Variants in VPS41 observed in about 807,000 individuals in gnomAD.
VPS41 encodes the protein vacuolar protein sorting-associated protein 41 homolog.
In VPS41, 85 loss-of-function variants were observed where a neutral mutation model predicts 130.9. That is an observed-to-expected ratio of 0.65 (90% confidence interval 0.55 to 0.78). The LOEUF is 0.78. VPS41 is among the 30% of genes least tolerant of loss of function. The probability of loss-of-function intolerance (pLI) is 0.00; values close to 1 mark genes in which losing one functional copy is unlikely to be tolerated. For synonymous variants in VPS41, 335 were observed against 332.9 expected (o/e 1.01, Z -0.07); for missense variants, 874 against 1,018.7 (o/e 0.86, Z 1.93).
At chr7:38,789,474 A>G (rs934468754) in intron 10 of VPS41, among the ~76,000 whole-genome samples, 1 of 152,092 alleles carries the variant, frequency 6.6e-6, no homozygotes, top group Non-Finnish European at 1.5e-5. Context: ...GTGTGGCTGC[A>G]GCACAGAGAC....
At chr7:38,832,319 CTT>C (rs543207806) in intron 4 of VPS41, among the ~76,000 whole-genome samples, 5 of 114,714 alleles carry the variant, frequency 4.4e-5, no homozygotes, top group Admixed American at 9.1e-5. Flanking sequence ...TTCTTTCTTT[CTT>C]TTTTTTTTTT....
At chr7:38,885,528 GAT>G (rs1239921217) in intron 2 of VPS41, among the ~76,000 whole-genome samples, 1 of 152,126 alleles carries the variant, frequency 6.6e-6, no homozygotes, top group Non-Finnish European at 1.5e-5. Flanking sequence ...GTTGTGTTAA[GAT>G]ACTACAATTT....
chr7:38,901,800 G>C (rs1436217335), intron 1 of VPS41, among the ~76,000 whole-genome samples: 2 of 152,188 alleles, frequency 1.3e-5, no homozygotes, highest in African/African-American at 4.8e-5. Context: ...GGGAGGCTAA[G>C]GCAAGAGGAT....
intron 5 of VPS41, among the ~76,000 whole-genome samples, chr7:38,824,898 T>C (rs1785241173): frequency 6.6e-6 from 1 of 152,230 alleles, no homozygotes; most frequent in Admixed American, 6.5e-5. Context: ...AGAAAAAGAC[T>C]GACAGATCAG....
At chr7:38,841,264 T>A (rs1785602265) in intron 4 of VPS41, among the ~76,000 whole-genome samples, 3 of 152,198 alleles carry the variant, frequency 2.0e-5, no homozygotes, top group South Asian at 2.1e-4. Context: ...AGTGTGGATG[T>A]GGAAAATATA....
intron 2 of VPS41, among the ~76,000 whole-genome samples, chr7:38,876,812 C>T (rs1448832174): frequency 6.6e-6 from 1 of 152,026 alleles, no homozygotes; most frequent in African/African-American, 2.4e-5. Context: ...ATTTCATGTT[C>T]AATTCAAGGA....
rs779094401 is a variant in VPS41, at chr7:38,795,493, A to C, written c.689T>G (p.Leu230Arg). The stretch of plus-strand genomic sequence containing the variant: ...GACAGAAGTCCCCCAGCCAATAATC[A>C]GTGTCACATTGTCCTTCCAGCAGAG... ...CSLCWKDNVT[L>R]IIGWGTSVKV... The change falls in exon 9 of 29, where the codon CTG (leucine) becomes CGG (arginine). Residue 230 changes from leucine to arginine, a missense_variant. Coordinates refer to ENST00000310301, the MANE Select transcript of VPS41 (RefSeq NM_014396.4). The C allele has an allele frequency of 6.2e-7, 1 of 1,612,496 alleles. No homozygotes were observed. Among genetic ancestry groups the C allele is most frequent in the Non-Finnish European group, 8.5e-7 (1 of 1,179,150 alleles).
At chr7:38,822,659 A>G (rs1469382789) in intron 5 of VPS41, among the ~76,000 whole-genome samples, 1 of 152,192 alleles carries the variant, frequency 6.6e-6, no homozygotes, top group Admixed American at 6.5e-5. Flanking sequence ...CTTTTGGTGG[A>G]CTTATATACA....
intron 4 of VPS41, among the ~76,000 whole-genome samples, chr7:38,861,651 CTAT>C (rs1360394319): frequency 6.6e-6 from 1 of 152,236 alleles, no homozygotes; most frequent in African/African-American, 2.4e-5. Context: ...CCTTTCTAAA[CTAT>C]ATCAATAGAT....
chr7:38,828,273 T>C (rs1785319911), intron 5 of VPS41, among the ~76,000 whole-genome samples: 1 of 151,278 alleles, frequency 6.6e-6, no homozygotes, highest in Non-Finnish European at 1.5e-5. Context: ...ACATACGATA[T>C]GTGTGTCTCA....
chr7:38,890,692 T>C lies in VPS41; in HGVS notation c.60+7399A>G, dbSNP rs566389309. Among the ~76,000 whole-genome samples the C allele has an allele frequency of 2.3e-3, 345 of 152,228 alleles. 2 individuals carry two copies. Among genetic ancestry groups the C allele is most frequent in the African/African-American group, 7.8e-3 (326 of 41,538 alleles). On this transcript the variant is annotated intron_variant, in intron 2 of 28. Coordinates refer to ENST00000310301, the MANE Select transcript of VPS41 (RefSeq NM_014396.4). The stretch of plus-strand genomic sequence containing the variant: ...AATATCTTTGCATTTTTCCCTTTTT[T>C]TTTTTCTTTTAGAGATAGGGTCTTG...
chr7:38,860,333 A>G (rs1346439445), intron 4 of VPS41, among the ~76,000 whole-genome samples: 1 of 152,174 alleles, frequency 6.6e-6, no homozygotes, highest in Non-Finnish European at 1.5e-5. Flanking sequence ...TATATAGAAT[A>G]AAGTACAAAG....
intron 7 of VPS41, among the ~76,000 whole-genome samples, chr7:38,808,842 A>C (rs1295528084): frequency 6.6e-6 from 1 of 152,162 alleles, no homozygotes; most frequent in Non-Finnish European, 1.5e-5. Flanking sequence ...CCTACACTTC[A>C]TGTTTAGGGA....
chr7:38,740,528 C>T (rs1206318062), intron 25 of VPS41, among the ~76,000 whole-genome samples: 1 of 152,114 alleles, frequency 6.6e-6, no homozygotes, highest in Non-Finnish European at 1.5e-5. Context: ...CTTCCAATAA[C>T]CTTTCTCCTG....
rs1344722717 is a variant in VPS41, at chr7:38,754,820, T to TA, written c.1738-69dup. On this transcript the variant is annotated intron_variant, in intron 20 of 28. Coordinates refer to ENST00000310301, the MANE Select transcript of VPS41 (RefSeq NM_014396.4). ...GAAAGACAGCTACAAAATTATCTGA[T>TA]AAACTCTCTTCTTCACAGCTATAGG... is the stretch of plus-strand genomic sequence containing the variant. The TA allele has an allele frequency of 3.7e-5, 58 of 1,586,458 alleles. No homozygotes were observed. The Admixed American group carries it at 4.0e-4, about 11-fold the overall frequency.
intron 2 of VPS41, among the ~76,000 whole-genome samples, chr7:38,888,466 G>C (rs1226498563): frequency 6.6e-6 from 1 of 152,162 alleles, no homozygotes; most frequent in African/African-American, 2.4e-5. Context: ...AATTCAACAA[G>C]AAGAGCTAAC....
rs879632001 is a variant in VPS41, at chr7:38,807,690, G to A, written c.450+10127C>T. The stretch of plus-strand genomic sequence containing the variant: ...TTCAAACCAAATACTCCTGTGAAAT[G>A]ACTGTGATTTAGTTTGTACCACGAC... On this transcript the variant is annotated intron_variant, in intron 7 of 28. Coordinates refer to ENST00000310301, the MANE Select transcript of VPS41 (RefSeq NM_014396.4). Among the ~76,000 whole-genome samples the A allele has an allele frequency of 5.3e-5, 8 of 152,286 alleles. No individual in the cohort carries two copies. The South Asian group carries it at 1.7e-3, about 32-fold the overall frequency.
At chr7:38,759,757 G>A (rs1390733431) in intron 17 of VPS41, among the ~76,000 whole-genome samples, 1 of 152,106 alleles carries the variant, frequency 6.6e-6, no homozygotes, top group East Asian at 1.9e-4. Context: ...ACAGCTTACA[G>A]ATATTACCCA....
At chr7:38,804,752 G>A (rs1584404211) in intron 7 of VPS41, among the ~76,000 whole-genome samples, 1 of 152,248 alleles carries the variant, frequency 6.6e-6, no homozygotes, top group African/African-American at 2.4e-5. Context: ...AAGCCAGCAT[G>A]TGAGGTAGTC....
Sources: allele counts gnomAD v4.1 joint callset (sites outside exome capture counted in the v4.1 genomes callset), GRCh38; gene constraint gnomAD v4.1.1; transcripts MANE v1.5; gene names NCBI Gene and HGNC (gene_info 2026-07-23, HGNC 2026-07-21).